Variants in CALN1 observed in about 807,000 individuals in gnomAD.
CALN1 encodes calneuron 1.
A neutral mutation model predicts 30.6 loss-of-function variants in CALN1; 17 were observed. The observed-to-expected ratio is 0.56, with a 90% CI of 0.38 to 0.83. The LOEUF is 0.83. Ranked by LOEUF, CALN1 falls within the 40% of genes least tolerant of loss-of-function variation. The pLI, the probability that CALN1 is intolerant of heterozygous loss-of-function variation, is 0.00. For synonymous variants in CALN1, 156 were observed against 131.4 expected (o/e 1.19, Z -1.28); for missense variants, 291 against 354.9 (o/e 0.82, Z 1.45).
intron 5 of CALN1, among the ~76,000 whole-genome samples, chr7:71,960,192 TAAAAA>T (rs140570260): frequency 1.4e-5 from 2 of 143,770 alleles, no homozygotes; most frequent in Non-Finnish European, 3.2e-5. Context: ...TAAAATAAAA[TAAAAA>T]AATAAAATAA....
intron 2 of CALN1, among the ~76,000 whole-genome samples, chr7:72,331,319 C>A (rs1304955717): frequency 6.6e-6 from 1 of 151,990 alleles, no homozygotes; most frequent in Non-Finnish European, 1.5e-5. Context: ...CACTGCACTC[C>A]AGCCTGGGCA....
chr7:72,324,925 G>A (rs1365254296), intron 2 of CALN1, among the ~76,000 whole-genome samples: 2 of 152,158 alleles, frequency 1.3e-5, no homozygotes, highest in Non-Finnish European at 2.9e-5. Context: ...GAGGGTTCCA[G>A]GGAGTTCTGT....
intron 2 of CALN1, among the ~76,000 whole-genome samples, chr7:72,327,289 T>C (rs1801346042): frequency 6.6e-6 from 1 of 152,028 alleles, no homozygotes; most frequent in Non-Finnish European, 1.5e-5. Context: ...AGGTCAGGAG[T>C]TTGACACCAG....
At chr7:71,979,665 C>T (rs984459255) in intron 5 of CALN1, among the ~76,000 whole-genome samples, 6 of 151,848 alleles carry the variant, frequency 4.0e-5, no homozygotes, top group African/African-American at 9.7e-5. Flanking sequence ...GCTCCACGGC[C>T]GGGGGGTTGG....
intron 5 of CALN1, among the ~76,000 whole-genome samples, chr7:71,876,284 G>T (rs1430846037): frequency 6.6e-6 from 1 of 152,134 alleles, no homozygotes; most frequent in East Asian, 1.9e-4. Flanking sequence ...GGGAGTGAGT[G>T]AGTTCTTGCT....
intron 3 of CALN1, among the ~76,000 whole-genome samples, chr7:72,267,557 T>C (rs560065103): frequency 6.6e-6 from 1 of 152,318 alleles, no homozygotes; most frequent in South Asian, 2.1e-4. Context: ...CAGGATCTCA[T>C]CTCACAGGGA....
At chr7:72,297,617 A>G (rs554633822) in intron 2 of CALN1, among the ~76,000 whole-genome samples, 33 of 152,340 alleles carry the variant, frequency 2.2e-4, no homozygotes, top group East Asian at 5.8e-4. Flanking sequence ...ACTTTGTTAT[A>G]CAGTAATTTG....
In CALN1 at chr7:72,248,178, G is replaced by A. The variant is rs372195636; in HGVS notation, c.244+30508C>T. On this transcript the variant is annotated intron_variant, in intron 3 of 6. Transcript: ENST00000395275. Reference sequence around the variant, plus strand: ...CACCCAGGCTGGAGTGCAATGGCACGATCTTGGCTCACTGCAACTTCCACC... The same window carrying A: ...CACCCAGGCTGGAGTGCAATGGCACAATCTTGGCTCACTGCAACTTCCACC... Among the ~76,000 whole-genome samples, 10 of 152,156 alleles carry A rather than the reference G, an allele frequency of 6.6e-5. No homozygotes were observed. The East Asian group carries it at 1.4e-3, about 21-fold the overall frequency.
chr7:72,165,899 T>C (rs1788492053), intron 3 of CALN1, among the ~76,000 whole-genome samples: 1 of 152,130 alleles, frequency 6.6e-6, no homozygotes, highest in Non-Finnish European at 1.5e-5. Flanking sequence ...AACCGTGATG[T>C]TGCCAAGAAA....
chr7:71,971,176 T>C (rs112106257), intron 5 of CALN1, among the ~76,000 whole-genome samples: 8,158 of 152,200 alleles, frequency 0.054, 522 homozygotes, highest in African/African-American at 0.16. Flanking sequence ...AGGCCAGGCG[T>C]GGTGGCTCAT....
At chr7:72,397,553 C>T (rs1001220824) in intron 2 of CALN1, among the ~76,000 whole-genome samples, 1 of 152,040 alleles carries the variant, frequency 6.6e-6, no homozygotes, top group Non-Finnish European at 1.5e-5. Flanking sequence ...AAAAGCAGGT[C>T]ACAGCAATGA....
chr7:71,943,728 C>T (rs939077912), intron 5 of CALN1, among the ~76,000 whole-genome samples: 1 of 152,146 alleles, frequency 6.6e-6, no homozygotes, highest in Non-Finnish European at 1.5e-5. Flanking sequence ...AGGAGTGAGC[C>T]ACCAGGCCAG....
At chr7:72,398,187 G>A (rs954351404) in intron 2 of CALN1, among the ~76,000 whole-genome samples, 14 of 152,196 alleles carry the variant, frequency 9.2e-5, no homozygotes, top group African/African-American at 3.1e-4. Flanking sequence ...GCAGCTCAGC[G>A]TCCAGGCAAC....
At chr7:71,973,666 T>G (rs1224460902) in intron 5 of CALN1, among the ~76,000 whole-genome samples, 1 of 151,786 alleles carries the variant, frequency 6.6e-6, no homozygotes, top group Non-Finnish European at 1.5e-5. Flanking sequence ...AAACCCTCAT[T>G]AAGAATTTTA....
chr7:71,960,379 A>G (rs1463243032), intron 5 of CALN1, among the ~76,000 whole-genome samples: 1 of 152,038 alleles, frequency 6.6e-6, no homozygotes, highest in African/African-American at 2.4e-5. Flanking sequence ...CCGTACATCC[A>G]TCTGTACCCA....
intron 5 of CALN1, among the ~76,000 whole-genome samples, chr7:71,952,098 G>A (rs1345381678): frequency 6.6e-6 from 1 of 152,192 alleles, no homozygotes; most frequent in Admixed American, 6.5e-5. Context: ...ACAGTTGCTA[G>A]CTGAAGTATG....
chr7:72,026,281 A>C (rs910656467), intron 4 of CALN1, among the ~76,000 whole-genome samples: 2 of 152,074 alleles, frequency 1.3e-5, no homozygotes, highest in African/African-American at 4.8e-5. Context: ...GGATCTAACA[A>C]TGCACTTAAC....
At chr7:72,145,594 A>G (rs1786647186) in intron 3 of CALN1, among the ~76,000 whole-genome samples, 1 of 152,228 alleles carries the variant, frequency 6.6e-6, no homozygotes. Flanking sequence ...CAATAGAAAA[A>G]GAGGGAATCC....
At chr7:72,102,116 G>A (rs563856109) in intron 4 of CALN1, among the ~76,000 whole-genome samples, 1 of 152,050 alleles carries the variant, frequency 6.6e-6, no homozygotes, top group Non-Finnish European at 1.5e-5. Flanking sequence ...CGCAACCTCC[G>A]CCTCCTGTGC....
Sources: allele counts gnomAD v4.1 joint callset (sites outside exome capture counted in the v4.1 genomes callset), GRCh38; gene constraint gnomAD v4.1.1; transcripts MANE v1.5; gene names NCBI Gene and HGNC (gene_info 2026-07-23, HGNC 2026-07-21).